RAPH1: variants seen among roughly 807,000 people sequenced by gnomAD.
RAPH1 encodes ras-associated and pleckstrin homology domains-containing protein 1.
A neutral mutation model predicts 88.1 loss-of-function variants in RAPH1; 18 were observed. The ratio of observed to expected loss-of-function variants is 0.20; its 90% confidence interval spans 0.14 to 0.30. The LOEUF is 0.30. Ranked by LOEUF, RAPH1 falls within the 10% of genes least tolerant of loss-of-function variation. RAPH1 has a pLI of 1.00. For missense variants in RAPH1, 1,448 were observed against 1,543.2 expected (o/e 0.94, Z 1.03); for synonymous variants, 587 against 559.0 (o/e 1.05, Z -0.71).
chr2:203,442,332 A>G (rs2098504994), intron 13 of RAPH1: 2 of 344,634 alleles, frequency 5.8e-6, no homozygotes, highest in Non-Finnish European at 1.1e-5. Context: ...AGAGGAAAGG[A>G]AGGACCCTTG....
intron 9 of RAPH1, among the ~76,000 whole-genome samples, chr2:203,454,909 G>T (rs2098518006): frequency 6.6e-6 from 1 of 152,174 alleles, no homozygotes; most frequent in South Asian, 2.1e-4. Flanking sequence ...CATATGTAAA[G>T]TATAGTGATT....
In RAPH1 at chr2:203,439,391, T is replaced by C. The variant is rs754633959; in HGVS notation, c.*46A>G. 4.5e-6 allele frequency: 7 copies of C among 1,562,678 alleles called. No individual in the cohort carries two copies. Among genetic ancestry groups the C allele is most frequent in the Middle Eastern group, 1.7e-4 (1 of 5,862 alleles). On this transcript the variant is annotated 3_prime_UTR_variant, in exon 14 of 14. Transcript: ENST00000319170. ...ATTCACAGATGATCAGGTGAGCTGA[T>C]TGTAGCAGTGATTACAGATATCATG...
At chr2:203,522,188 G>A (rs949451671) in intron 1 of RAPH1, among the ~76,000 whole-genome samples, 16 of 152,084 alleles carry the variant, frequency 1.1e-4, no homozygotes, top group African/African-American at 3.9e-4. Context: ...AAAGATATCT[G>A]TTTTAGTCTC....
At chr2:203,505,670 TA>T (rs1251727906) in intron 1 of RAPH1, among the ~76,000 whole-genome samples, 1 of 152,116 alleles carries the variant, frequency 6.6e-6, no homozygotes, top group Admixed American at 6.5e-5. Flanking sequence ...ACAGAGTAGA[TA>T]AAAAACTATA....
At chr2:203,486,147 T>A (rs551782402) in intron 4 of RAPH1, among the ~76,000 whole-genome samples, 1 of 151,354 alleles carries the variant, frequency 6.6e-6, no homozygotes, top group African/African-American at 2.4e-5. Context: ...AAGATGCAAT[T>A]AATGGAACGC....
chr2:203,481,000 T>C (rs747046339), intron 4 of RAPH1, among the ~76,000 whole-genome samples: 57 of 152,174 alleles, frequency 3.7e-4, no homozygotes, highest in Non-Finnish European at 6.9e-4. Context: ...CTACGAAGAG[T>C]GGGAACCTGC....
At chr2:203,501,531 GC>G (rs1268427067) in intron 1 of RAPH1, among the ~76,000 whole-genome samples, 1 of 152,166 alleles carries the variant, frequency 6.6e-6, no homozygotes, top group Non-Finnish European at 1.5e-5. Context: ...ACTTTGGGAG[GC>G]CAAGGCGGGC....
intron 2 of RAPH1, among the ~76,000 whole-genome samples, chr2:203,493,192 TGAAAA>T (rs998829573): frequency 2.0e-5 from 3 of 152,196 alleles, no homozygotes; most frequent in African/African-American, 7.2e-5. Context: ...ATTTATATAA[TGAAAA>T]GAACAGTCAC....
intron 13 of RAPH1, 152 bp downstream of exon 13, chr2:203,444,716 T>C: frequency 1.5e-6 from 1 of 658,700 alleles, no homozygotes; most frequent in Non-Finnish European, 2.6e-6. Flanking sequence ...CTCTGAACTG[T>C]CTTTACCCAC....
rs1409900515 is a variant in RAPH1 at position 203,512,371 on chromosome 2, A to C, written c.1-17018T>G. On this transcript the variant is annotated intron_variant, in intron 1 of 13. Transcript: ENST00000319170. ...ACTCTGTCTCAAAAAAAAAAAAAAA[A>C]CCCAAAAAACAAAAAACAAACAAAT... Among the ~76,000 whole-genome samples the C allele has an allele frequency of 4.0e-5, 6 of 149,762 alleles. No individual in the cohort carries two copies. The South Asian group carries it at 1.1e-3, about 26-fold the overall frequency.
chr2:203,460,033 C>T lies in RAPH1; in HGVS notation c.971-5G>A. On this transcript the variant is annotated splice_polypyrimidine_tract_variant and splice_region_variant and intron_variant, in intron 6 of 13. Coordinates refer to ENST00000319170, the MANE Select transcript of RAPH1 (RefSeq NM_213589.3). ...CATGGTCTTCAAAGATTCTCTCTGT[C>T]CCAAAATAAAATATCCGTATTTTGT... 2 of 1,596,580 alleles carry T rather than the reference C, an allele frequency of 1.3e-6. No individual in the cohort carries two copies. The highest frequency in any genetic ancestry group is 1.7e-6 in the Non-Finnish European group (2 of 1,173,180).
At chr2:203,466,227 T>TAAA (rs2098528328) in intron 4 of RAPH1, among the ~76,000 whole-genome samples, 1 of 152,218 alleles carries the variant, frequency 6.6e-6, no homozygotes, top group South Asian at 2.1e-4. Flanking sequence ...ATACCTCTTT[T>TAAA]AGAGTCTGAG....
At chr2:203,462,309 A>C (rs952481929) in intron 4 of RAPH1, among the ~76,000 whole-genome samples, 1 of 152,120 alleles carries the variant, frequency 6.6e-6, no homozygotes, top group African/African-American at 2.4e-5. Context: ...CTGAATTTCC[A>C]CTCCCTCCAA....
rs764670222 is a variant in RAPH1, at chr2:203,440,323, G to A, written c.2867C>T (p.Pro956Leu). The change falls in exon 14 of 14, where the codon CCA (proline) becomes CTA (leucine). Residue 956 changes from proline to leucine, a missense_variant. Around this residue, in one of 2 missense-constraint regions of RAPH1, gnomAD observed 935 missense variants for 890.1 expected, o/e 1.05. Coordinates refer to ENST00000319170, the MANE Select transcript of RAPH1 (RefSeq NM_213589.3). Reference protein sequence around the residue: ...ASPTPDKSGSPGKKTSKTSSP... With the variant: ...ASPTPDKSGSLGKKTSKTSSP... ...GGACGTCTTACTGGTCTTTTTGCCT[G>A]GAGATCCACTTTTGTCAGGGGTAGG... 8.7e-6 allele frequency: 14 copies of A among 1,612,792 alleles called. No homozygotes were observed. Among genetic ancestry groups the A allele is most frequent in the Non-Finnish European group, 8.5e-7 (1 of 1,179,384 alleles).
intron 1 of RAPH1, among the ~76,000 whole-genome samples, chr2:203,518,013 G>A (rs1238193481): frequency 6.6e-6 from 1 of 151,984 alleles, no homozygotes; most frequent in Non-Finnish European, 1.5e-5. Context: ...AAGAATCTGA[G>A]CAGAAATCAA....
chr2:203,478,604 C>T (rs887003528), intron 4 of RAPH1, among the ~76,000 whole-genome samples: 1 of 152,068 alleles, frequency 6.6e-6, no homozygotes, highest in Non-Finnish European at 1.5e-5. Flanking sequence ...ATTTTCCTGC[C>T]TCAGCCTCCT....
intron 2 of RAPH1, among the ~76,000 whole-genome samples, chr2:203,493,935 C>CA (rs1416539197): frequency 7.6e-6 from 1 of 130,992 alleles, no homozygotes; most frequent in Non-Finnish European, 1.5e-5. Context: ...CACACCACTG[C>CA]ACTCCAGCCT....
In RAPH1 at chr2:203,514,623, C is replaced by G. The variant is rs1245853984; in HGVS notation, c.1-19270G>C. Among the ~76,000 whole-genome samples the G allele has an allele frequency of 3.3e-5, 5 of 151,978 alleles. No homozygotes were observed. In the South Asian group the frequency reaches 1.0e-3, roughly 32 times the overall value. ...AGGCTGGAGTGCAGTGGCGTGATCT[C>G]GGCTCACTGCAAGCTCTGCCTCCCG... On this transcript the variant is annotated intron_variant, in intron 1 of 13. Transcript: ENST00000319170.
Position 203,471,313 on chromosome 2 carries a change from G to A in RAPH1, c.733-9388C>T, listed in dbSNP as rs541533551. Among the ~76,000 whole-genome samples, 63 of 152,246 alleles carry A rather than the reference G, an allele frequency of 4.1e-4. No individual in the cohort carries two copies. In the South Asian group the frequency reaches 0.01, roughly 25 times the overall value. On this transcript the variant is annotated intron_variant, in intron 4 of 13. Coordinates refer to ENST00000319170, the MANE Select transcript of RAPH1 (RefSeq NM_213589.3). ...GGAAATTCTTTGGAAAGAAACTAAT[G>A]CAAACAAATACTAGAGCAGCACCCC...
Sources: gnomAD v4.1 joint callset for allele counts (sites outside exome capture counted in the v4.1 genomes callset) on GRCh38, gnomAD v4.1.1 for gene constraint, gnomAD v4.1.1 regional missense constraint, MANE v1.5 for transcripts, NCBI Gene and HGNC (gene_info 2026-07-23, HGNC 2026-07-21) for gene names.